The following DNAH5 variants were observed in gnomAD, a reference collection of about 807,000 sequenced individuals.
DNAH5 encodes axonemal beta dynein heavy chain 5.
A neutral mutation model predicts 518.2 loss-of-function variants in DNAH5; 372 were observed. That is an observed-to-expected ratio of 0.72 (90% CI 0.66 to 0.78). The LOEUF (loss-of-function observed/expected upper bound fraction) is 0.78. Ranked by LOEUF, DNAH5 falls within the 30% of genes least tolerant of loss-of-function variation. The pLI is 0.00. For missense variants in DNAH5, 5,523 were observed against 5,687.0 expected (o/e 0.97, Z 0.93); for synonymous variants, 2,039 against 2,025.9 (o/e 1.01, Z -0.17).
At chr5:13,800,853 A>T (rs1301491669) in intron 47 of DNAH5, among the ~76,000 whole-genome samples, 3 of 152,164 alleles carry the variant, frequency 2.0e-5, no homozygotes, top group Non-Finnish European at 2.9e-5. Context: ...AGTTAATAAA[A>T]CCAAGTAGAT....
rs115430866 is a variant in DNAH5 at position 13,816,378 on chromosome 5, G to C, written c.6988+1170C>G. Among the ~76,000 whole-genome samples, 457 of 152,200 alleles carry C rather than the reference G, an allele frequency of 3.0e-3. 4 individuals carry two copies. The highest frequency in any genetic ancestry group is 0.011 in the African/African-American group (440 of 41,530). ...ACTCACCAACACCATGACCTGTCTT[G>C]TGGTTCTAAATTTTCTTTGCTATGC... On this transcript the variant is annotated intron_variant, in intron 42 of 78. Coordinates refer to ENST00000265104, the MANE Select transcript of DNAH5 (RefSeq NM_001369.3).
intron 24 of DNAH5, among the ~76,000 whole-genome samples, chr5:13,869,997 T>C (rs563250906): frequency 6.6e-6 from 1 of 152,108 alleles, no homozygotes; most frequent in Non-Finnish European, 1.5e-5. Context: ...ACACTATGTA[T>C]GTTGATAATA....
chr5:13,749,502 T>C lies in DNAH5; in HGVS notation c.11211+1576A>G, dbSNP rs182728426. ...CTCTGCTACAGGAATTAAGGCCCAGTGATGGGCTTATTTTTGTTTTTGTTG... is the reference window on the plus strand; with the variant it reads ...CTCTGCTACAGGAATTAAGGCCCAGCGATGGGCTTATTTTTGTTTTTGTTG... On this transcript the variant is annotated intron_variant, in intron 65 of 78. Transcript: ENST00000265104. Among the ~76,000 whole-genome samples the C allele has an allele frequency of 3.7e-4, 57 of 152,324 alleles. 1 individual carries two copies. The Middle Eastern group carries it at 0.014, about 36-fold the overall frequency.
chr5:13,825,777 G>C (rs1762813397), intron 38 of DNAH5, among the ~76,000 whole-genome samples: 2 of 152,098 alleles, frequency 1.3e-5, no homozygotes, highest in South Asian at 4.1e-4. Context: ...AAGTTACAGA[G>C]ATCTATTTCA....
At position 13,708,291 on chromosome 5, in the gene DNAH5, G is replaced by A; in HGVS notation, c.13170C>T (p.Asn4390=). ...LQKMGPFQPM[N]IFLRQEIDRM... ...TGTCTATTTCCTGCCTGAGGAAAAT[G>A]TTCATAGGCTGGAATGGCCCCATCT... The change falls in exon 76 of 79, where the codon AAC becomes AAT. Residue 4390 remains asparagine, a synonymous_variant. Transcript: ENST00000265104. 1 of 1,614,096 alleles carries A rather than the reference G, an allele frequency of 6.2e-7. No individual in the cohort carries two copies. The highest frequency in any genetic ancestry group is 8.5e-7 in the Non-Finnish European group (1 of 1,179,986).
chr5:13,843,401 C>A (rs1333052897), intron 32 of DNAH5, among the ~76,000 whole-genome samples: 1 of 152,106 alleles, frequency 6.6e-6, no homozygotes, highest in African/African-American at 2.4e-5. Context: ...TGGAATCCTG[C>A]CCATCCCCCT....
In DNAH5 at chr5:13,793,542, A is replaced by G. The variant is rs1241417976; in HGVS notation, c.8197T>C (p.Ser2733Pro). Residue 2733 changes from serine to proline, a missense_variant, in exon 49 of 79, where the codon TCT becomes CCT. Physicochemically the swap from Ser to Pro is moderately conservative, Grantham distance 74. Around this residue, in one of 3 missense-constraint regions of DNAH5, gnomAD observed 5,121 missense variants for 5,223.3 expected, o/e 0.98. Coordinates refer to ENST00000265104, the MANE Select transcript of DNAH5 (RefSeq NM_001369.3). ...AAGATCTTGTCCACAGAAGCTTCAGAGGGCAACGTGCAATTAAATATAGAG... is the reference window on the plus strand; with the variant it reads ...AAGATCTTGTCCACAGAAGCTTCAGGGGGCAACGTGCAATTAAATATAGAG... The part of the protein sequence containing the change: ...QFSIFNCTLP[S>P]EASVDKIFGV... 2 of 1,613,976 alleles carry G rather than the reference A, an allele frequency of 1.2e-6. No homozygotes were observed. Among genetic ancestry groups the G allele is most frequent in the Non-Finnish European group, 1.7e-6 (2 of 1,179,902 alleles).
chr5:13,938,055 T>C (rs1779109795), intron 1 of DNAH5, among the ~76,000 whole-genome samples: 1 of 152,202 alleles, frequency 6.6e-6, no homozygotes, highest in African/African-American at 2.4e-5. Flanking sequence ...TTTTAAATTT[T>C]GTGCCCTTTG....
At chr5:14,004,368 G>C (rs1784579174) in intron 1 of DNAH5, among the ~76,000 whole-genome samples, 1 of 152,314 alleles carries the variant, frequency 6.6e-6, no homozygotes, top group East Asian at 1.9e-4. Context: ...ATACCAGAGA[G>C]GGGAAAGAAG....
At chr5:13,919,115 GAA>G in intron 7 of DNAH5, 59 bp downstream of exon 7, 1 of 1,597,478 alleles carries the variant, frequency 6.3e-7, no homozygotes, top group Non-Finnish European at 8.6e-7. Context: ...TCTATGCCTT[GAA>G]AATATGCATA....
chr5:13,886,291 T>G (rs1214929312), intron 17 of DNAH5, among the ~76,000 whole-genome samples, 162 bp from the exon 18 acceptor site: 1 of 152,196 alleles, frequency 6.6e-6, no homozygotes, highest in Non-Finnish European at 1.5e-5. Context: ...ACAGGCCAGG[T>G]GTCCTCTAAA....
In DNAH5 at chr5:13,916,959, T is replaced by C. The variant is rs548093500; in HGVS notation, c.1089+184A>G. Among the ~76,000 whole-genome samples the C allele has an allele frequency of 3.3e-5, 5 of 152,306 alleles. No individual in the cohort carries two copies. In the South Asian group the frequency reaches 1.0e-3, roughly 32 times the overall value. On this transcript the variant is annotated intron_variant, in intron 8 of 78. Transcript: ENST00000265104. ...GAGGTAGACTGCTTAGAGAAATAGA[T>C]ATAGAAATACAGATATTTGTGCGTC...
chr5:13,902,335 G>A (rs1412033905), intron 12 of DNAH5, among the ~76,000 whole-genome samples, 197 bp from the exon 13 acceptor site: 6 of 152,198 alleles, frequency 3.9e-5, no homozygotes, highest in Non-Finnish European at 7.3e-5. Context: ...GATCAGCCAT[G>A]GGAGTTGGCG....
At chr5:13,845,762 ATTTTT>A (rs113453834) in intron 31 of DNAH5, among the ~76,000 whole-genome samples, 59,766 of 146,376 alleles carry the variant, frequency 0.41, 12,317 homozygotes, top group East Asian at 0.61. Context: ...CAGCTTTTTA[ATTTTT>A]ATTTTTTTTA....
chr5:13,905,126 C>T (rs1023259827), intron 12 of DNAH5, among the ~76,000 whole-genome samples: 7 of 152,152 alleles, frequency 4.6e-5, no homozygotes, highest in African/African-American at 1.2e-4. Context: ...ATGCCAATTT[C>T]GAGTCTGTGT....
In DNAH5 at chr5:13,865,874, G is replaced by T; in HGVS notation, c.4149C>A (p.Ile1383=). 3.1e-6 allele frequency: 5 copies of T among 1,608,580 alleles called. No homozygotes were observed. The highest frequency in any genetic ancestry group is 4.3e-6 in the Non-Finnish European group (5 of 1,175,254). The change falls in exon 27 of 79, where the codon ATC becomes ATA. Residue 1383 remains isoleucine (I), a synonymous_variant. Transcript: ENST00000265104. The stretch of plus-strand genomic sequence containing the variant: ...AAAGCTCCTCTCCTCCAGTATATGT[G>T]ATGTATTTCCGATAGATATTATCAA... ...NQFDNIYRKY[I]TYTGGEELFG...
chr5:13,854,667 A>T (rs1157113570), intron 30 of DNAH5, among the ~76,000 whole-genome samples: 4 of 148,894 alleles, frequency 2.7e-5, no homozygotes, highest in African/African-American at 7.4e-5. Context: ...AAAGGGATAG[A>T]GGAATATTTA....
chr5:13,754,127 A>G (rs1186296845), intron 62 of DNAH5, 76 bp downstream of exon 62: 1 of 1,580,144 alleles, frequency 6.3e-7, no homozygotes, highest in Non-Finnish European at 8.7e-7. Flanking sequence ...ACACAAAGGA[A>G]TTTGATTAAA....
At chr5:13,869,252 C>T (rs565924648) in intron 24 of DNAH5, among the ~76,000 whole-genome samples, 116 of 152,024 alleles carry the variant, frequency 7.6e-4, no homozygotes, top group Non-Finnish European at 1.3e-3. Context: ...AGAGTCTGAT[C>T]TCGACCATCA....
Sources: allele counts gnomAD v4.1 joint callset (sites outside exome capture counted in the v4.1 genomes callset), GRCh38; gene constraint gnomAD v4.1.1; regional missense constraint gnomAD v4.1.1; transcripts MANE v1.5; gene names NCBI Gene and HGNC (gene_info 2026-07-23, HGNC 2026-07-21).